DIAPH3: variants seen among roughly 807,000 people sequenced by gnomAD.
The protein encoded by DIAPH3 is diaphanous related formin 3.
DIAPH3 carries 117 observed loss-of-function variants against 144.3 expected under a neutral mutation model. The observed-to-expected ratio is 0.81, with a 90% CI of 0.70 to 0.95. The LOEUF is 0.95. Among genes scored for constraint, DIAPH3 ranks in the 40% least tolerant of loss-of-function variants. The pLI is 0.00. For missense variants in DIAPH3, 1,421 were observed against 1,412.7 expected (o/e 1.01, Z -0.09); for synonymous variants, 519 against 488.9 (o/e 1.06, Z -0.81).
At chr13:60,035,961 G>A (rs1035652047) in intron 5 of DIAPH3, among the ~76,000 whole-genome samples, 1 of 152,096 alleles carries the variant, frequency 6.6e-6, no homozygotes. Context: ...CTGTTACACC[G>A]ATGACTGCCA....
At chr13:59,802,662 TTA>T (rs1464215390) in intron 25 of DIAPH3, among the ~76,000 whole-genome samples, 28 of 34,452 alleles carry the variant, frequency 8.1e-4, no homozygotes, top group South Asian at 1.7e-3. Context: ...ATTATTATTA[TTA>T]TTATTTTTTT....
At chr13:59,859,140 T>C (rs1380484674) in intron 22 of DIAPH3, among the ~76,000 whole-genome samples, 1 of 152,064 alleles carries the variant, frequency 6.6e-6, no homozygotes, top group Non-Finnish European at 1.5e-5. Flanking sequence ...TAAAGTAATA[T>C]AATAATAAAA....
intron 21 of DIAPH3, among the ~76,000 whole-genome samples, chr13:59,869,186 T>C (rs1341303311): frequency 1.3e-5 from 2 of 152,310 alleles, no homozygotes; most frequent in Admixed American, 1.3e-4. Context: ...TGAATGAAGG[T>C]TGTACTATAT....
intron 24 of DIAPH3, among the ~76,000 whole-genome samples, chr13:59,815,408 T>C (rs1420527283): frequency 6.6e-6 from 1 of 152,210 alleles, no homozygotes; most frequent in Non-Finnish European, 1.5e-5. Context: ...GCATTTTTAA[T>C]TGATATCTTC....
intron 21 of DIAPH3, among the ~76,000 whole-genome samples, chr13:59,876,625 T>C (rs555410951): frequency 1.2e-4 from 18 of 152,314 alleles, no homozygotes; most frequent in Non-Finnish European, 2.1e-4. Flanking sequence ...GTACTTACTA[T>C]ATACCAACCA....
intron 27 of DIAPH3, among the ~76,000 whole-genome samples, chr13:59,691,337 T>C (rs909684282): frequency 1.3e-5 from 2 of 152,134 alleles, no homozygotes; most frequent in Admixed American, 1.3e-4. Flanking sequence ...TTTATCCCCA[T>C]GGGTCATACT....
At chr13:59,711,199 T>G (rs2138831019) in intron 27 of DIAPH3, among the ~76,000 whole-genome samples, 1 of 152,324 alleles carries the variant, frequency 6.6e-6, no homozygotes, top group East Asian at 1.9e-4. Context: ...GGTCCAAGTT[T>G]AAGTGAGCAT....
chr13:59,779,949 T>C (rs1343560156), intron 25 of DIAPH3, among the ~76,000 whole-genome samples: 1 of 152,212 alleles, frequency 6.6e-6, no homozygotes. Flanking sequence ...ATAAAGAAGA[T>C]GTTCTTCCAA....
intron 20 of DIAPH3, among the ~76,000 whole-genome samples, chr13:59,905,495 A>T (rs1024488864): frequency 2.0e-5 from 3 of 152,126 alleles, no homozygotes; most frequent in African/African-American, 4.8e-5. Flanking sequence ...CTTCACTCTC[A>T]ATTTATTTAA....
At chr13:59,881,251 T>A (rs79212349) in intron 20 of DIAPH3, among the ~76,000 whole-genome samples, 5,232 of 152,104 alleles carry the variant, frequency 0.034, 114 homozygotes, top group Non-Finnish European at 0.049. Flanking sequence ...GTAACATGAA[T>A]AATGCTCTAT....
rs1304895616 is a variant in DIAPH3 at position 60,010,533 on chromosome 13, A to G, written c.908T>C (p.Ile303Thr). Residue 303 changes from isoleucine to threonine, a missense_variant and splice_region_variant, in exon 8 of 28, where the codon ATC (isoleucine) becomes ACC (threonine). Transcript: ENST00000400324. ...AGGGGAATATGTTGATAACACTTAC[A>G]TGCTTTCTTCCCCTACAATGCATAC... ...SAVCIVGEES[I>T]LEEVLEALTS... The G allele has an allele frequency of 3.2e-6, 5 of 1,585,952 alleles. No individual in the cohort carries two copies. The highest frequency in any genetic ancestry group is 4.3e-6 in the Non-Finnish European group (5 of 1,162,730).
At chr13:59,931,924 T>TA (rs1301308124) in intron 17 of DIAPH3, among the ~76,000 whole-genome samples, 2 of 152,202 alleles carry the variant, frequency 1.3e-5, no homozygotes, top group Admixed American at 1.3e-4. Context: ...GGAATGATGA[T>TA]ACAGGTATCA....
chr13:60,027,552 G>A (rs2141070954), intron 5 of DIAPH3, among the ~76,000 whole-genome samples: 2 of 152,018 alleles, frequency 1.3e-5, no homozygotes, highest in East Asian at 3.9e-4. Flanking sequence ...CAGGTTAACA[G>A]GAATGATAAA....
chr13:59,683,027 C>T (rs780841791), intron 27 of DIAPH3, among the ~76,000 whole-genome samples: 14 of 152,140 alleles, frequency 9.2e-5, no homozygotes, highest in Non-Finnish European at 1.6e-4. Context: ...TGGTGTACTG[C>T]AAGGCACAAG....
At chr13:60,063,996 C>G (rs181170489) in intron 4 of DIAPH3, among the ~76,000 whole-genome samples, 2 of 152,108 alleles carry the variant, frequency 1.3e-5, no homozygotes, top group Non-Finnish European at 2.9e-5. Context: ...AATGCACTGT[C>G]AATGAACAGA....
intron 27 of DIAPH3, among the ~76,000 whole-genome samples, chr13:59,695,709 G>A (rs2033764022): frequency 6.6e-6 from 1 of 152,146 alleles, no homozygotes; most frequent in Non-Finnish European, 1.5e-5. Flanking sequence ...TACCCTTTCT[G>A]AAGACTAAAA....
At chr13:59,945,683 G>A (rs773505535) in intron 17 of DIAPH3, among the ~76,000 whole-genome samples, 1 of 151,536 alleles carries the variant, frequency 6.6e-6, no homozygotes, top group Non-Finnish European at 1.5e-5. Flanking sequence ...GAATCACAGA[G>A]CTCTGAGAAG....
intron 25 of DIAPH3, among the ~76,000 whole-genome samples, chr13:59,788,897 A>T (rs1384030195): frequency 6.6e-6 from 1 of 152,218 alleles, no homozygotes; most frequent in Non-Finnish European, 1.5e-5. Context: ...GGAACTACTT[A>T]ATCATTTTTC....
intron 4 of DIAPH3, among the ~76,000 whole-genome samples, chr13:60,081,762 A>G (rs2057566789): frequency 2.6e-5 from 4 of 152,048 alleles, no homozygotes; most frequent in Admixed American, 1.3e-4. Flanking sequence ...CATGAAAACA[A>G]GATAACTCCA....
Sources: allele counts gnomAD v4.1 joint callset (sites outside exome capture counted in the v4.1 genomes callset), GRCh38; gene constraint gnomAD v4.1.1; transcripts MANE v1.5; gene names NCBI Gene and HGNC (gene_info 2026-07-23, HGNC 2026-07-21).